Variants in POU2F2 observed in about 807,000 individuals in gnomAD.
POU2F2 encodes the protein POU domain, class 2, transcription factor 2.
Under a neutral mutation model 63.5 loss-of-function variants are expected in POU2F2, and 14 were observed. The observed-to-expected ratio is 0.22, with a 90% CI of 0.15 to 0.34. POU2F2 has a LOEUF of 0.34. Among genes scored for constraint, POU2F2 ranks in the 10% least tolerant of loss-of-function variants. The pLI, the probability that POU2F2 is intolerant of heterozygous loss-of-function variation, is 1.00. For synonymous variants in POU2F2, 306 were observed against 348.6 expected, an observed-to-expected ratio of 0.88 and a Z score of 1.36; for missense variants, 607 against 815.2, an observed-to-expected ratio of 0.74 and a Z score of 3.11.
At chr19:42,179,639 A>G (rs11880124), upstream of POU2F2, among the ~76,000 whole-genome samples, 16,983 of 152,120 alleles carry the variant, frequency 0.11, 1,142 homozygotes, top group Middle Eastern at 0.18. Context: ...TACCCCATGC[A>G]TACTGAGTGG....
chr19:42,193,018 A>G (rs2035090489), intron 1 of POU2F2, among the ~76,000 whole-genome samples: 2 of 151,688 alleles, frequency 1.3e-5, no homozygotes, highest in African/African-American at 4.8e-5. Context: ...CAGGAGATCA[A>G]GACTATCCTG....
intron 1 of POU2F2, among the ~76,000 whole-genome samples, chr19:42,125,809 T>C (rs1244418800): frequency 6.6e-6 from 1 of 152,202 alleles, no homozygotes; most frequent in African/African-American, 2.4e-5. Flanking sequence ...GCTCTTCTCT[T>C]GCAGCTCATG....
In POU2F2 at chr19:42,170,003, G is replaced by A. The variant is rs542352400; in HGVS notation, c.-70+5960C>T. On this transcript the variant is annotated intron_variant, in intron 1 of 6. Transcript: ENST00000524801. ...GGCTGGGCCCTGAGGGGAGTGGTGG[G>A]GGAGGGGCTGGTCCCCACAGCCCCT... Among the ~76,000 whole-genome samples the A allele has an allele frequency of 5.9e-5, 9 of 152,202 alleles. No individual in the cohort carries two copies. The South Asian group carries it at 1.9e-3, about 32-fold the overall frequency.
chr19:42,177,345 G>A (rs934628278), upstream of POU2F2: 6 of 152,884 alleles, frequency 3.9e-5, no homozygotes, highest in Admixed American at 1.3e-4. Flanking sequence ...CGCGAGCCCA[G>A]GCGCGCGCCA....
chr19:42,195,355 C>A lies in POU2F2; in HGVS notation c.-70+1028G>T, dbSNP rs547045768. On this transcript the variant is annotated intron_variant, in intron 1 of 5. Coordinates refer to the POU2F2 transcript ENST00000532176. ...CTTTTTTTTTTTTTTTTTTTTGAGA[C>A]GGAGTCTCATTCTGTCGCCCAGGCT... is the stretch of plus-strand genomic sequence containing the variant. Among the ~76,000 whole-genome samples the A allele has an allele frequency of 1.0e-4, 12 of 116,354 alleles. No individual in the cohort carries two copies. In the Admixed American group the frequency reaches 1.1e-3, roughly 11 times the overall value. 76.3% of individuals were successfully genotyped at this position (116,354 alleles called of 152,430 possible). A position where few individuals can be genotyped will look rare whatever the true frequency, so the allele number is the denominator to read the frequency against.
chr19:42,099,679 G>A, intron 6 of POU2F2, 37 bp downstream of exon 6: 2 of 1,602,258 alleles, frequency 1.2e-6, no homozygotes, highest in Non-Finnish European at 1.7e-6. Flanking sequence ...AAGTTCTGTG[G>A]AGGCGTCAGG....
intron 2 of POU2F2, among the ~76,000 whole-genome samples, chr19:42,154,663 G>A (rs529217913): frequency 1.3e-5 from 2 of 152,188 alleles, no homozygotes; most frequent in African/African-American, 4.8e-5. Flanking sequence ...AAAGGCAGAC[G>A]GCAGATAGTG....
At chr19:42,136,971 C>T (rs1014402587), upstream of POU2F2, 3 of 152,174 alleles carry the variant, frequency 2.0e-5, no homozygotes, top group Non-Finnish European at 4.4e-5. Context: ...GAGCTGAGGA[C>T]CCAGAGGTGA....
Position 42,090,402 on chromosome 19 carries a change from C to A in POU2F2, c.*855G>T. Reference sequence around the variant, plus strand: ...AACTTGGCAAAATGGCCTAGCCCACCCTTCAAAGGGGAAAAGAGGGAGGAA... The same window carrying A: ...AACTTGGCAAAATGGCCTAGCCCACACTTCAAAGGGGAAAAGAGGGAGGAA... On this transcript the variant is annotated 3_prime_UTR_variant, in exon 15 of 15. Coordinates refer to ENST00000692977, the MANE Select transcript of POU2F2 (RefSeq NM_001394376.1). This position sits in a 1 kb window ranked among gnomAD's most constrained non-coding sequence, Gnocchi z 4.4. The A allele has an allele frequency of 6.6e-6, 1 of 152,582 alleles. No homozygotes were observed. Among genetic ancestry groups the A allele is most frequent in the Non-Finnish European group, 1.5e-5 (1 of 68,036 alleles). The allele number at this position is 152,582 out of a possible 1,614,324, so 9.5% of individuals were successfully genotyped here.
intron 2 of POU2F2, among the ~76,000 whole-genome samples, chr19:42,143,113 C>G (rs1356098975): frequency 6.6e-6 from 1 of 152,108 alleles, no homozygotes; most frequent in Admixed American, 6.6e-5. Context: ...CACCTGTAAT[C>G]TCAGCACTTT....
chr19:42,162,675 GGTCAGTTTGCCATGTACATGGCA>G lies in POU2F2; in HGVS notation c.-69-2306_-69-2284del. On this transcript the variant is annotated intron_variant, in intron 1 of 6. Coordinates refer to the POU2F2 transcript ENST00000524801. The surrounding 1 kb of genome is among the most constrained non-coding windows in gnomAD (Gnocchi z 4.1). Reference sequence around the variant, plus strand: ...TATATAATGGTTTGCTGTGTCCTGGGGTCAGTTTGCCATGTACATGGCAGACTGTGAGCTCCTTGAGGGCAAGG... The same window carrying G: ...TATATAATGGTTTGCTGTGTCCTGGGGACTGTGAGCTCCTTGAGGGCAAGG... Among the ~76,000 whole-genome samples the G allele has an allele frequency of 6.6e-6, 1 of 152,156 alleles. No individual in the cohort carries two copies. The highest frequency in any genetic ancestry group is 1.9e-4 in the East Asian group (1 of 5,190).
chr19:42,148,635 A>G (rs1255555037), intron 2 of POU2F2, among the ~76,000 whole-genome samples: 3 of 151,958 alleles, frequency 2.0e-5, no homozygotes, highest in Admixed American at 2.0e-4. Flanking sequence ...CATCCTCCAA[A>G]TGCCCCCATC....
chr19:42,195,863 T>A (rs2035139510), intron 1 of POU2F2, among the ~76,000 whole-genome samples: 1 of 148,538 alleles, frequency 6.7e-6, no homozygotes, highest in South Asian at 2.2e-4. Flanking sequence ...CACTGCAACC[T>A]CCACCTCCCA....
rs1268474696 is a variant in POU2F2, at chr19:42,194,965, AG to A, written c.-70+1417del. 9.7e-4 allele frequency among the ~76,000 whole-genome samples: 56 copies of A among 57,920 alleles called. 1 individual carries two copies. The highest frequency in any genetic ancestry group is 1.6e-3 in the Non-Finnish European group (49 of 30,074). The allele number at this position is 57,920 out of a possible 152,430, so 38.0% of individuals were successfully genotyped here. A position where few individuals can be genotyped will look rare whatever the true frequency, so the allele number is the denominator to read the frequency against. On this transcript the variant is annotated intron_variant, in intron 1 of 5. Transcript: ENST00000532176. ...GGGAAGGAAGGGAAGGAAATGAAGGAGGGGGGAGGGAGGGAGAAAGAGAGGG... is the reference window on the plus strand; with the variant it reads ...GGGAAGGAAGGGAAGGAAATGAAGGAGGGGGAGGGAGGGAGAAAGAGAGGG...
chr19:42,177,501 C>G (rs982820143), upstream of POU2F2, among the ~76,000 whole-genome samples: 4 of 150,068 alleles, frequency 2.7e-5, no homozygotes, highest in African/African-American at 9.8e-5. Context: ...GGCCCGAGAC[C>G]CACAGAGACA....
At chr19:42,132,834 G>A (rs2033862281), upstream of POU2F2, 1 of 180,970 alleles carries the variant, frequency 5.5e-6, no homozygotes, top group South Asian at 1.8e-4. Flanking sequence ...GCCGATGCCT[G>A]ACCCTGTGCC....
intron 1 of POU2F2, among the ~76,000 whole-genome samples, chr19:42,190,213 G>A (rs1463886120): frequency 6.6e-6 from 1 of 152,044 alleles, no homozygotes; most frequent in Non-Finnish European, 1.5e-5. Context: ...AACAGAGCTT[G>A]AAGAAGTGAA....
At chr19:42,184,977 C>T (rs2034998342) in intron 1 of POU2F2, among the ~76,000 whole-genome samples, 1 of 152,134 alleles carries the variant, frequency 6.6e-6, no homozygotes. Flanking sequence ...GCCCCTAGAC[C>T]TTGGTTCCCA....
At chr19:42,093,625 A>G in intron 12 of POU2F2, 1 of 425,540 alleles carries the variant, frequency 2.3e-6, no homozygotes, top group Non-Finnish European at 4.1e-6. Flanking sequence ...CTCATATGAA[A>G]TCGTGAAGCA....
Sources: gnomAD v4.1 joint callset for allele counts (sites outside exome capture counted in the v4.1 genomes callset) on GRCh38, gnomAD v4.1.1 for gene constraint, Gnocchi (gnomAD v3.1) non-coding constraint, MANE v1.5 for transcripts, NCBI Gene and HGNC (gene_info 2026-07-23, HGNC 2026-07-21) for gene names.